Variants in RTEL1 observed in about 807,000 individuals in gnomAD.
The protein encoded by RTEL1 is regulator of telomere length.
RTEL1 carries 86 observed loss-of-function variants against 162.2 expected under a neutral mutation model. That is an observed-to-expected ratio of 0.53 (90% CI 0.45 to 0.63). The LOEUF is 0.63. Among genes scored for constraint, RTEL1 ranks in the 30% least tolerant of loss-of-function variants. RTEL1 has a pLI of 0.00. For missense variants in RTEL1, 1,941 were observed against 1,750.2 expected (o/e 1.11, Z -1.95); for synonymous variants, 958 against 717.9 (o/e 1.33, Z -5.35).
At chr20:63,684,282 C>G (rs575636617) in intron 14 of RTEL1, among the ~76,000 whole-genome samples, 4 of 152,312 alleles carry the variant, frequency 2.6e-5, no homozygotes, top group African/African-American at 9.6e-5. Flanking sequence ...CACTGGGCAC[C>G]TGCCACACTT....
rs1601084152 is a variant in RTEL1 at position 63,661,660 on chromosome 20, C to T, written c.301+164C>T. On this transcript the variant is annotated intron_variant, in intron 3 of 34. Coordinates refer to ENST00000360203, the MANE Select transcript of RTEL1 (RefSeq NM_001283009.2). This position sits in a 1 kb window ranked among gnomAD's most constrained non-coding sequence, Gnocchi z 5.1. ...ATTTCTCGCCATCGTGGGTGTAAAC[C>T]TAGGGTTGGGCTTTTTTGCTGAATT... 4 of 940,914 alleles carry T rather than the reference C, an allele frequency of 4.3e-6. No homozygotes were observed. The East Asian group carries it at 1.1e-4, about 25-fold the overall frequency. The allele number at this position is 940,914 out of a possible 1,614,324, so 58.3% of individuals were successfully genotyped here.
intron 28 of RTEL1, 63 bp from the exon 29 acceptor site, chr20:63,692,742 T>C (rs1457699557): frequency 6.6e-7 from 1 of 1,505,060 alleles, no homozygotes; most frequent in Non-Finnish European, 9.2e-7. Flanking sequence ...AGGAAGGCTC[T>C]GCAGCCCCAG....
chr20:63,696,052 C>T lies in RTEL1; in HGVS notation c.*194C>T, dbSNP rs1224889275. 11 of 600,808 alleles carry T rather than the reference C, an allele frequency of 1.8e-5. No individual in the cohort carries two copies. Among genetic ancestry groups the T allele is most frequent in the Non-Finnish European group, 2.9e-5 (10 of 343,316 alleles). The allele number at this position is 600,808 out of a possible 1,614,324, so 37.2% of individuals were successfully genotyped here. On this transcript the variant is annotated 3_prime_UTR_variant, in exon 35 of 35. Transcript: ENST00000360203. Reference sequence around the variant, plus strand: ...GATCTGGGCCTGCCTCTGAGAAGCCCTGAGCTACCTTGGGGTCTGGGGTGG... The same window carrying T: ...GATCTGGGCCTGCCTCTGAGAAGCCTTGAGCTACCTTGGGGTCTGGGGTGG...
At chr20:63,692,761 T>G in intron 28 of RTEL1, 44 bp from the exon 29 acceptor site, 4 of 1,571,814 alleles carry the variant, frequency 2.5e-6, no homozygotes, top group Non-Finnish European at 3.5e-6. Flanking sequence ...AGGGACCAGA[T>G]GATGAGGCTG....
intron 2 of RTEL1, among the ~76,000 whole-genome samples, chr20:63,660,145 A>G (rs969424218): frequency 6.6e-6 from 1 of 152,238 alleles, no homozygotes; most frequent in African/African-American, 2.4e-5. Context: ...ACAAATGTAC[A>G]ATCGGGTTTT....
chr20:63,666,076 A>G lies in RTEL1; in HGVS notation c.611A>G (p.His204Arg), dbSNP rs2146169727. The G allele has an allele frequency of 6.2e-7, 1 of 1,614,002 alleles. No individual in the cohort carries two copies. The highest frequency in any genetic ancestry group is 1.1e-5 in the South Asian group (1 of 91,070). Residue 204 changes from histidine to arginine, a missense_variant, in exon 7 of 35, where the codon CAC (histidine) becomes CGC (arginine). Coordinates refer to ENST00000360203, the MANE Select transcript of RTEL1 (RefSeq NM_001283009.2). ...GACTTGGTCAAGAGCGGAAGCAAGC[A>G]CAGGTGAGACCCCTCAGTGAGGCCA... ...IEDLVKSGSK[H>R]RVCPYYLSRN...
chr20:63,660,633 C>T (rs1299596336), intron 2 of RTEL1: 1 of 152,834 alleles, frequency 6.5e-6, no homozygotes, highest in African/African-American at 2.4e-5. Flanking sequence ...TCTTCCCTTT[C>T]TACATAGACA....
At position 63,670,425 on chromosome 20, in the gene RTEL1, A is replaced by G. The variant is rs111697452; in HGVS notation, c.700-2131A>G. Among the ~76,000 whole-genome samples the G allele has an allele frequency of 2.0e-5, 3 of 148,088 alleles. 1 individual carries two copies. Among genetic ancestry groups the G allele is most frequent in the Admixed American group, 6.7e-5 (1 of 14,888 alleles). The stretch of plus-strand genomic sequence containing the variant: ...ATGGCCAGTTAACCACTGGGAGAGC[A>G]TCCGGACAGACGTTTCACCAAGGTG... On this transcript the variant is annotated intron_variant, in intron 8 of 34. Transcript: ENST00000360203.
chr20:63,661,791 T>C lies in RTEL1; in HGVS notation c.302-59T>C. The stretch of plus-strand genomic sequence containing the variant: ...GAGTTAGCCGAATGCCACCTGCCTT[T>C]GATACGTGAGAACGTTGTCTGAGAA... On this transcript the variant is annotated intron_variant, in intron 3 of 34. Coordinates refer to ENST00000360203, the MANE Select transcript of RTEL1 (RefSeq NM_001283009.2). The surrounding 1 kb of genome is among the most constrained non-coding windows in gnomAD (Gnocchi z 5.1). 2 of 1,462,814 alleles carry C rather than the reference T, an allele frequency of 1.4e-6. No homozygotes were observed. Among genetic ancestry groups the C allele is most frequent in the Non-Finnish European group, 1.9e-6 (2 of 1,042,398 alleles). 90.6% of individuals were successfully genotyped at this position (1,462,814 alleles called of 1,614,324 possible). A position where few individuals can be genotyped will look rare whatever the true frequency, so the allele number is the denominator to read the frequency against.
At position 63,694,367 on chromosome 20, in the gene RTEL1, A is replaced by T. The variant is rs1282850958; in HGVS notation, c.2993-5A>T. The T allele has an allele frequency of 1.2e-6, 2 of 1,607,092 alleles. No individual in the cohort carries two copies. The highest frequency in any genetic ancestry group is 2.2e-5 in the South Asian group (2 of 90,968). ...CAGCTTTGTGGCTCTACATCTCTTC[A>T]TCAGGAAGAACGGCGCCGGATCCCA... On this transcript the variant is annotated splice_polypyrimidine_tract_variant and splice_region_variant and intron_variant, in intron 30 of 34. Transcript: ENST00000360203.
At position 63,688,186 on chromosome 20, in the gene RTEL1, G is replaced by T. The variant is rs973823301; in HGVS notation, c.1636+7G>T. ...TCCCTGGGGAAGGCTCTGGGTGAGTGCCCTGAATGCCCCAGCTGTGCCCAT... is the reference window on the plus strand; with the variant it reads ...TCCCTGGGGAAGGCTCTGGGTGAGTTCCCTGAATGCCCCAGCTGTGCCCAT... On this transcript the variant is annotated splice_region_variant and intron_variant, in intron 19 of 34. Transcript: ENST00000360203. The T allele has an allele frequency of 1.9e-6, 3 of 1,611,532 alleles. No individual in the cohort carries two copies. The highest frequency in any genetic ancestry group is 2.5e-6 in the Non-Finnish European group (3 of 1,179,946).
At position 63,663,704 on chromosome 20, in the gene RTEL1, C is replaced by G. The variant is rs569135891; in HGVS notation, c.538+815C>G. Among the ~76,000 whole-genome samples the G allele has an allele frequency of 3.9e-5, 6 of 152,374 alleles. No homozygotes were observed. In the East Asian group the frequency reaches 1.2e-3, roughly 29 times the overall value. On this transcript the variant is annotated intron_variant, in intron 6 of 34. Coordinates refer to ENST00000360203, the MANE Select transcript of RTEL1 (RefSeq NM_001283009.2). ...TGCTTCTGTGGGATCAGGGTTCCCT[C>G]TGTTTCCTGCCTCAGTTGGGGCTCA...
chr20:63,658,636 C>G (rs1391651982), intron 1 of RTEL1, 170 bp downstream of exon 1: 1 of 152,328 alleles, frequency 6.6e-6, no homozygotes, highest in Admixed American at 6.5e-5. Flanking sequence ...GCTCGTGGCG[C>G]TGGCGCCGCG....
At chr20:63,676,909 T>TG (rs3838004) in intron 10 of RTEL1, among the ~76,000 whole-genome samples, 75,046 of 151,934 alleles carry the variant, frequency 0.49, 19,046 homozygotes, top group Middle Eastern at 0.61. Context: ...CACTCCAGCC[T>TG]GGCGACAGAG....
chr20:63,680,377 G>A (rs779827775), intron 13 of RTEL1, among the ~76,000 whole-genome samples: 2 of 152,214 alleles, frequency 1.3e-5, no homozygotes, highest in Non-Finnish European at 2.9e-5. Flanking sequence ...CGGGTGCTGG[G>A]GAGGGTGGCT....
intron 2 of RTEL1, among the ~76,000 whole-genome samples, chr20:63,660,072 G>A (rs1425541046): frequency 6.6e-6 from 1 of 152,174 alleles, no homozygotes; most frequent in Non-Finnish European, 1.5e-5. Flanking sequence ...TAACAGAGCA[G>A]CATTGCTGCC....
chr20:63,672,693 T>C (rs2090268883), intron 9 of RTEL1, 72 bp downstream of exon 9: 1 of 1,313,364 alleles, frequency 7.6e-7, no homozygotes, highest in African/African-American at 1.5e-5. Flanking sequence ...CGCAAACCTT[T>C]CTGGAGGGGC....
chr20:63,682,384 C>T lies in RTEL1; in HGVS notation c.1191+1665C>T, dbSNP rs577660552. ...TGGAGAAGACTCCACACTCTGGAACCGGATCCTGGAACGCGGCCTCCCAGC... is the reference window on the plus strand; with the variant it reads ...TGGAGAAGACTCCACACTCTGGAACTGGATCCTGGAACGCGGCCTCCCAGC... On this transcript the variant is annotated intron_variant, in intron 14 of 34. Coordinates refer to ENST00000360203, the MANE Select transcript of RTEL1 (RefSeq NM_001283009.2). 14 of 985,282 alleles carry T rather than the reference C, an allele frequency of 1.4e-5. No homozygotes were observed. In the African/African-American group the frequency reaches 1.7e-4, roughly 12 times the overall value. 61.0% of individuals were successfully genotyped at this position (985,282 alleles called of 1,614,324 possible). A position where few individuals can be genotyped will look rare whatever the true frequency, so the allele number is the denominator to read the frequency against.
chr20:63,670,864 C>G lies in RTEL1; in HGVS notation c.700-1692C>G, dbSNP rs547979143. 7.2e-4 allele frequency among the ~76,000 whole-genome samples: 110 copies of G among 151,860 alleles called. 3 individuals are homozygous for G. The highest frequency in any genetic ancestry group is 7.1e-3 in the Admixed American group (108 of 15,242). ...GAAAAGACTTCAGTGTGCAGGTTTA[C>G]CAGAGTTTTGTTTGCAGTTGCCAAA... On this transcript the variant is annotated intron_variant, in intron 8 of 34. Coordinates refer to ENST00000360203, the MANE Select transcript of RTEL1 (RefSeq NM_001283009.2).
Sources: allele counts gnomAD v4.1 joint callset (sites outside exome capture counted in the v4.1 genomes callset), GRCh38; gene constraint gnomAD v4.1.1; non-coding constraint Gnocchi (gnomAD v3.1); transcripts MANE v1.5; gene names NCBI Gene and HGNC (gene_info 2026-07-23, HGNC 2026-07-21).